CAP2: variants seen among roughly 807,000 people sequenced by gnomAD.
CAP2 encodes cyclase associated actin cytoskeleton regulatory protein 2.
CAP2 carries 24 observed loss-of-function variants against 57.7 expected under a neutral mutation model. That is an observed-to-expected ratio of 0.42 (90% confidence interval 0.30 to 0.58). The LOEUF (loss-of-function observed/expected upper bound fraction) is 0.58, where lower values mean the gene tolerates loss of function less well. CAP2 is among the 20% of genes least tolerant of loss of function. The probability of loss-of-function intolerance (pLI) is 0.22; values close to 1 mark genes in which losing one functional copy is unlikely to be tolerated. For missense variants in CAP2, 501 were observed against 590.3 expected (o/e 0.85, Z 1.57); for synonymous variants, 194 against 207.2 (o/e 0.94, Z 0.55).
intron 7 of CAP2, among the ~76,000 whole-genome samples, chr6:17,526,857 T>C (rs923341768): frequency 6.8e-6 from 1 of 146,552 alleles, no homozygotes; most frequent in African/African-American, 2.5e-5. Flanking sequence ...CCCGGGAGGC[T>C]GAGGCAGGAG....
rs543042853 is a variant in CAP2, at chr6:17,475,868, A to G, written c.300+12795A>G. On this transcript the variant is annotated intron_variant, in intron 4 of 12. Transcript: ENST00000229922. ...TTGAACTACAGAAACTGCAGCGCAGAAGAACTTCAGGGTTTATCCTGTCTC... is the reference window on the plus strand; with the variant it reads ...TTGAACTACAGAAACTGCAGCGCAGGAGAACTTCAGGGTTTATCCTGTCTC... 4.6e-5 allele frequency among the ~76,000 whole-genome samples: 7 copies of G among 152,372 alleles called. No homozygotes were observed. In the South Asian group the frequency reaches 1.4e-3, roughly 32 times the overall value.
chr6:17,429,991 C>T (rs74920639), intron 3 of CAP2, among the ~76,000 whole-genome samples: 2 of 152,238 alleles, frequency 1.3e-5, no homozygotes, highest in African/African-American at 2.4e-5. Flanking sequence ...AAAGCCCTCA[C>T]ATACCTGATT....
At chr6:17,488,254 A>G (rs1341452535) in intron 4 of CAP2, among the ~76,000 whole-genome samples, 1 of 152,170 alleles carries the variant, frequency 6.6e-6, no homozygotes, top group Non-Finnish European at 1.5e-5. Flanking sequence ...TTTCCTGAGC[A>G]TAGCTTGGCT....
intron 3 of CAP2, among the ~76,000 whole-genome samples, chr6:17,462,000 A>AAAAAAAAAAAAAAAAAAAAAAAAAAAC: frequency 9.2e-6 from 1 of 108,794 alleles, no homozygotes; most frequent in Non-Finnish European, 1.6e-5. Context: ...CTCAAAAAAA[A>AAAAAAAAAAAAAAAAAAAAAAAAAAAC]AAAAAAAAAA....
chr6:17,428,618 CT>C (rs1350953952), intron 3 of CAP2, among the ~76,000 whole-genome samples: 1 of 77,708 alleles, frequency 1.3e-5, no homozygotes, highest in Non-Finnish European at 2.4e-5. Flanking sequence ...ACTCTGGGGA[CT>C]GTGGTGGGAT....
At chr6:17,408,238 A>G (rs954003483) in intron 1 of CAP2, among the ~76,000 whole-genome samples, 13 of 152,174 alleles carry the variant, frequency 8.5e-5, no homozygotes, top group African/African-American at 2.7e-4. Context: ...ATTTGTGGCA[A>G]GAGTTGAAGG....
intron 11 of CAP2, among the ~76,000 whole-genome samples, chr6:17,550,565 A>G (rs996496116): frequency 3.3e-5 from 5 of 151,956 alleles, no homozygotes; most frequent in African/African-American, 4.8e-5. Context: ...TTGGTTTGCA[A>G]TCCAGCCTTT....
intron 6 of CAP2, among the ~76,000 whole-genome samples, chr6:17,509,818 G>A (rs1209908067): frequency 6.6e-6 from 1 of 151,898 alleles, no homozygotes; most frequent in African/African-American, 2.4e-5. Context: ...CAACCCAAAT[G>A]TTCATCAGCT....
chr6:17,402,738 G>A (rs1408388218), intron 1 of CAP2, among the ~76,000 whole-genome samples: 2 of 152,128 alleles, frequency 1.3e-5, no homozygotes, highest in East Asian at 3.9e-4. Context: ...ACAGCATAAA[G>A]TTTATTTGCA....
At chr6:17,441,766 C>G (rs920375549) in intron 3 of CAP2, among the ~76,000 whole-genome samples, 2 of 152,176 alleles carry the variant, frequency 1.3e-5, no homozygotes, top group Admixed American at 6.5e-5. Context: ...ATTACAGGAG[C>G]GAGCCACGGT....
At chr6:17,499,490 C>T (rs1761747870) in intron 4 of CAP2, among the ~76,000 whole-genome samples, 1 of 151,436 alleles carries the variant, frequency 6.6e-6, no homozygotes, top group South Asian at 2.1e-4. Context: ...CTATCCAAAG[C>T]AATGCATCCT....
chr6:17,420,983 G>A (rs1166313973), intron 1 of CAP2, among the ~76,000 whole-genome samples: 1 of 152,062 alleles, frequency 6.6e-6, no homozygotes, highest in Non-Finnish European at 1.5e-5. Context: ...CGGAACCAAC[G>A]TTAAGTCTCC....
chr6:17,488,206 C>T (rs1761464533), intron 4 of CAP2, among the ~76,000 whole-genome samples: 1 of 152,228 alleles, frequency 6.6e-6, no homozygotes, highest in South Asian at 2.1e-4. Context: ...CCACATCCAA[C>T]CTGATTCTTA....
chr6:17,480,441 A>G (rs1372140660), intron 4 of CAP2, among the ~76,000 whole-genome samples: 1 of 152,208 alleles, frequency 6.6e-6, no homozygotes, highest in Non-Finnish European at 1.5e-5. Flanking sequence ...TGCTTTCTCT[A>G]AAGCTCAAAG....
In CAP2 at chr6:17,438,442, T is replaced by TTTTG. The variant is rs1561783610; in HGVS notation, c.222+11755_222+11756insGTTT. On this transcript the variant is annotated intron_variant, in intron 3 of 12. Coordinates refer to ENST00000229922, the MANE Select transcript of CAP2 (RefSeq NM_006366.3). Reference sequence around the variant, plus strand: ...TTGACCATCCAGAAGTGTTTTTTTTTTTTTTTTTTTTTTTGAGACGGAATC... The same window carrying TTTTG: ...TTGACCATCCAGAAGTGTTTTTTTTTTTTGTTTTTTTTTTTTTTGAGACGGAATC... Among the ~76,000 whole-genome samples, 45 of 126,910 alleles carry TTTTG rather than the reference T, an allele frequency of 3.5e-4. 1 individual carries two copies. In the South Asian group the frequency reaches 8.5e-3, roughly 24 times the overall value. The allele number at this position is 126,910 out of a possible 152,430, so 83.3% of individuals were successfully genotyped here. A position where few individuals can be genotyped will look rare whatever the true frequency, so the allele number is the denominator to read the frequency against.
intron 4 of CAP2, among the ~76,000 whole-genome samples, chr6:17,472,535 A>G (rs1761047048): frequency 6.6e-6 from 1 of 152,228 alleles, no homozygotes; most frequent in Non-Finnish European, 1.5e-5. Flanking sequence ...GCTTTTATGT[A>G]AACAGCAGCT....
chr6:17,538,732 A>G (rs1762830600), intron 7 of CAP2, among the ~76,000 whole-genome samples: 1 of 152,184 alleles, frequency 6.6e-6, no homozygotes, highest in Non-Finnish European at 1.5e-5. Context: ...TTTGGGGGTC[A>G]GTTTGCAGCA....
chr6:17,547,434 T>C (rs1375164233), intron 11 of CAP2, among the ~76,000 whole-genome samples: 1 of 151,848 alleles, frequency 6.6e-6, no homozygotes, highest in Non-Finnish European at 1.5e-5. Context: ...AAAATTCCCA[T>C]TAAAATTCTG....
chr6:17,427,787 C>T (rs908928185), intron 3 of CAP2, among the ~76,000 whole-genome samples: 1 of 152,160 alleles, frequency 6.6e-6, no homozygotes, highest in African/African-American at 2.4e-5. Context: ...GTGGTCTGTA[C>T]ATACAATGGA....
Sources: gnomAD v4.1 joint callset for allele counts (sites outside exome capture counted in the v4.1 genomes callset) on GRCh38, gnomAD v4.1.1 for gene constraint, MANE v1.5 for transcripts, NCBI Gene and HGNC (gene_info 2026-07-23, HGNC 2026-07-21) for gene names.